The following FMNL2 variants were observed in gnomAD, a reference collection of about 807,000 sequenced individuals.
FMNL2 encodes the protein formin like 2.
In FMNL2, 51 loss-of-function variants were observed where a neutral mutation model predicts 130.2. The observed-to-expected ratio is 0.39, with a 90% CI of 0.31 to 0.49. The LOEUF (loss-of-function observed/expected upper bound fraction) is 0.49. Among genes scored for constraint, FMNL2 ranks in the 20% least tolerant of loss-of-function variants. The pLI is 0.85. For synonymous variants in FMNL2, 465 were observed against 467.1 expected (o/e 1.00, Z 0.06); for missense variants, 977 against 1,316.2 (o/e 0.74, Z 3.99).
chr2:152,479,983 C>T (rs1239566584), intron 1 of FMNL2, among the ~76,000 whole-genome samples: 1 of 152,092 alleles, frequency 6.6e-6, no homozygotes, highest in African/African-American at 2.4e-5. Context: ...GCCTATAACT[C>T]GTTCGGCGGA....
intron 1 of FMNL2, among the ~76,000 whole-genome samples, chr2:152,342,095 G>A (rs1305125306): frequency 1.3e-5 from 2 of 152,164 alleles, no homozygotes; most frequent in Non-Finnish European, 2.9e-5. Context: ...GATACGTATG[G>A]GCTGATGTTT....
intron 1 of FMNL2, among the ~76,000 whole-genome samples, chr2:152,427,578 G>A (rs958847575): frequency 6.6e-6 from 1 of 151,882 alleles, no homozygotes; most frequent in African/African-American, 2.4e-5. Context: ...ATCATTTTTT[G>A]TTGTTTTAAT....
At chr2:152,485,389 G>A (rs1029004954) in intron 1 of FMNL2, among the ~76,000 whole-genome samples, 2 of 152,164 alleles carry the variant, frequency 1.3e-5, no homozygotes, top group African/African-American at 4.8e-5. Flanking sequence ...TACTTGGAAG[G>A]CTGAGGCAGG....
intron 1 of FMNL2, among the ~76,000 whole-genome samples, chr2:152,467,573 G>A (rs1170278698): frequency 6.6e-6 from 1 of 152,146 alleles, no homozygotes; most frequent in Non-Finnish European, 1.5e-5. Context: ...ATCTTTTGAT[G>A]CCGTGCACTC....
intron 17 of FMNL2, among the ~76,000 whole-genome samples, chr2:152,627,532 C>T (rs1681875198): frequency 6.6e-6 from 1 of 152,196 alleles, no homozygotes; most frequent in Non-Finnish European, 1.5e-5. Flanking sequence ...GGGTCATAAT[C>T]TGGTAGTCCA....
chr2:152,610,613 CAT>C (rs1698624384), intron 10 of FMNL2, among the ~76,000 whole-genome samples: 1 of 152,214 alleles, frequency 6.6e-6, no homozygotes, highest in Non-Finnish European at 1.5e-5. Flanking sequence ...CACGTTGTAA[CAT>C]GTGTTGGTAA....
intron 1 of FMNL2, among the ~76,000 whole-genome samples, chr2:152,512,674 C>A (rs972489109): frequency 5.3e-5 from 8 of 152,068 alleles, no homozygotes; most frequent in African/African-American, 1.9e-4. Flanking sequence ...GTAGATAATT[C>A]ACATGAGATT....
chr2:152,543,298 G>T (rs925054533), intron 3 of FMNL2, among the ~76,000 whole-genome samples: 1 of 151,972 alleles, frequency 6.6e-6, no homozygotes, highest in African/African-American at 2.4e-5. Flanking sequence ...GCCTGAGAAG[G>T]TAAGTAGAGA....
chr2:152,575,862 A>G (rs16831391), intron 7 of FMNL2, among the ~76,000 whole-genome samples: 4,114 of 152,260 alleles, frequency 0.027, 377 homozygotes, highest in Admixed American at 0.17. Flanking sequence ...AGAAGCACCT[A>G]GAAGATCGTT....
chr2:152,386,737 G>A (rs1684803830), intron 1 of FMNL2, among the ~76,000 whole-genome samples: 1 of 152,096 alleles, frequency 6.6e-6, no homozygotes, highest in Admixed American at 6.6e-5. Flanking sequence ...CATTGACCTG[G>A]ATAAACTCAG....
chr2:152,560,926 G>GTCGCC lies in FMNL2; in HGVS notation c.487_488insTCGCC (p.Asp163ValfsTer49). The GTCGCC allele has an allele frequency of 6.2e-7, 1 of 1,600,612 alleles. No individual in the cohort carries two copies. Among genetic ancestry groups the GTCGCC allele is most frequent in the Non-Finnish European group, 8.5e-7 (1 of 1,173,284 alleles). ...GGAGAGTACTGTGGAGAGCTCGGTG[G>GTCGCC]ACAAATCAAAGCCCTGGAGTAGGTC... On this transcript the variant is annotated frameshift_variant, in exon 6 of 26. Transcript: ENST00000288670. LOFTEE classifies it high-confidence loss of function.
At chr2:152,351,229 G>C (rs370412456) in intron 1 of FMNL2, among the ~76,000 whole-genome samples, 2 of 152,146 alleles carry the variant, frequency 1.3e-5, no homozygotes, top group East Asian at 1.9e-4. Context: ...TGAGATACAT[G>C]TGCAGAACGT....
At chr2:152,593,339 C>T (rs1697536165) in intron 9 of FMNL2, among the ~76,000 whole-genome samples, 1 of 151,948 alleles carries the variant, frequency 6.6e-6, no homozygotes, top group African/African-American at 2.4e-5. Context: ...TAATACTTTA[C>T]AGTTTAGAAA....
At chr2:152,467,624 G>C (rs1689626395) in intron 1 of FMNL2, among the ~76,000 whole-genome samples, 1 of 152,210 alleles carries the variant, frequency 6.6e-6, no homozygotes, top group Admixed American at 6.5e-5. Flanking sequence ...GTCTGTGCTT[G>C]TATTATTTTG....
intron 1 of FMNL2, among the ~76,000 whole-genome samples, chr2:152,385,646 A>AG (rs1342773949): frequency 3.9e-5 from 6 of 152,214 alleles, no homozygotes; most frequent in African/African-American, 1.4e-4. Context: ...TATCTGCTTG[A>AG]GGGGCAAAGT....
intron 1 of FMNL2, among the ~76,000 whole-genome samples, chr2:152,391,855 C>A (rs1685128978): frequency 6.7e-6 from 1 of 148,748 alleles, no homozygotes; most frequent in African/African-American, 2.5e-5. Flanking sequence ...CCTTACCAAA[C>A]CCTGACCAGA....
At chr2:152,636,343 C>A in intron 21 of FMNL2, 84 bp from the exon 22 acceptor site, 1 of 1,444,984 alleles carries the variant, frequency 6.9e-7, no homozygotes, top group South Asian at 1.4e-5. Context: ...TAAGAATCTC[C>A]TGAGAACTTG....
chr2:152,447,958 A>G lies in FMNL2; in HGVS notation c.118-73985A>G, dbSNP rs142567077. 2.0e-3 allele frequency among the ~76,000 whole-genome samples: 303 copies of G among 152,286 alleles called. 1 individual carries two copies. The highest frequency in any genetic ancestry group is 3.5e-3 in the Non-Finnish European group (236 of 68,028). The stretch of plus-strand genomic sequence containing the variant: ...GAAAATATTTATAAAATGTAACAAG[A>G]CCACTAGTCTCTTTAGTTTTTAATA... On this transcript the variant is annotated intron_variant, in intron 1 of 25. Transcript: ENST00000288670.
At chr2:152,551,660 G>A (rs1292814318) in intron 4 of FMNL2, among the ~76,000 whole-genome samples, 1 of 152,104 alleles carries the variant, frequency 6.6e-6, no homozygotes, top group African/African-American at 2.4e-5. Flanking sequence ...AAGAATTCTT[G>A]GAATGCAAGG....
Sources: allele counts gnomAD v4.1 joint callset (sites outside exome capture counted in the v4.1 genomes callset), GRCh38; gene constraint gnomAD v4.1.1; transcripts MANE v1.5; gene names NCBI Gene and HGNC (gene_info 2026-07-23, HGNC 2026-07-21).